NR3C1: variants seen among roughly 807,000 people sequenced by gnomAD.
NR3C1 encodes the protein glucocorticoid receptor.
NR3C1 carries 14 observed loss-of-function variants against 74.0 expected under a neutral mutation model. That is an observed-to-expected ratio of 0.19 (90% CI 0.12 to 0.30). The LOEUF (loss-of-function observed/expected upper bound fraction) is 0.30. NR3C1 is among the 10% of genes least tolerant of loss of function. The pLI is 1.00. For missense variants in NR3C1, 695 were observed against 909.8 expected (o/e 0.76, Z 3.04); for synonymous variants, 308 against 332.5 (o/e 0.93, Z 0.80).
chr5:143,348,993 A>T (rs1034348118), intron 2 of NR3C1, among the ~76,000 whole-genome samples: 34 of 152,064 alleles, frequency 2.2e-4, no homozygotes, highest in Admixed American at 2.2e-3. Context: ...ACAAATTCTT[A>T]ATTATTGTTG....
chr5:143,394,014 T>C (rs747658984), intron 2 of NR3C1, among the ~76,000 whole-genome samples: 1 of 152,032 alleles, frequency 6.6e-6, no homozygotes, highest in South Asian at 2.1e-4. Context: ...CAACTAATCA[T>C]ATCATTAAAA....
Position 143,400,714 on chromosome 5 carries a change from A to G in NR3C1, c.126T>C (p.Ser42=). 6.2e-7 allele frequency: 1 copy of G among 1,614,222 alleles called. No homozygotes were observed. The highest frequency in any genetic ancestry group is 8.5e-7 in the Non-Finnish European group (1 of 1,180,046). The change falls in exon 2 of 9, where the codon TCT becomes TCC. Residue 42 remains serine (S), a synonymous_variant. Transcript: ENST00000394464. ...TLRGGATVKV[S]ASSPSLAVAS... ...CGACAGCCAGTGAGGGTGAAGACGC[A>G]GAAACCTTCACAGTAGCTCCTCCTC...
At chr5:143,415,877 A>G (rs774807474) in intron 1 of NR3C1, among the ~76,000 whole-genome samples, 1 of 152,152 alleles carries the variant, frequency 6.6e-6, no homozygotes, top group Non-Finnish European at 1.5e-5. Flanking sequence ...TTCTACTTTC[A>G]TCTTCCTTTA....
intron 1 of NR3C1, among the ~76,000 whole-genome samples, chr5:143,412,378 AT>A (rs1841323102): frequency 1.3e-5 from 2 of 151,952 alleles, no homozygotes; most frequent in South Asian, 4.2e-4. Flanking sequence ...TGGAGGGGTT[AT>A]TTGTTCATCT....
intron 2 of NR3C1, among the ~76,000 whole-genome samples, chr5:143,366,575 GA>G (rs557317288): frequency 2.1e-3 from 301 of 146,794 alleles, no homozygotes; most frequent in African/African-American, 7.2e-3. Context: ...GACTGACCAA[GA>G]AAAAAAAGGA....
chr5:143,294,671 C>T (rs1229169790), intron 7 of NR3C1, among the ~76,000 whole-genome samples: 1 of 152,114 alleles, frequency 6.6e-6, no homozygotes, highest in Non-Finnish European at 1.5e-5. Context: ...CTGGCAACCG[C>T]TGATTTTTTT....
At chr5:143,407,916 C>T (rs1294257627), upstream of NR3C1, among the ~76,000 whole-genome samples, 1 of 152,194 alleles carries the variant, frequency 6.6e-6, no homozygotes, top group Non-Finnish European at 1.5e-5. Flanking sequence ...TTAAGATCAT[C>T]ACCTTTACCT....
At chr5:143,340,286 T>C (rs554360759) in intron 2 of NR3C1, among the ~76,000 whole-genome samples, 53 of 152,120 alleles carry the variant, frequency 3.5e-4, no homozygotes, top group African/African-American at 9.4e-4. Context: ...AATCCCCAAA[T>C]TGAAGTCTCT....
chr5:143,317,594 T>C (rs986317256), intron 2 of NR3C1, among the ~76,000 whole-genome samples: 1 of 152,136 alleles, frequency 6.6e-6, no homozygotes, highest in Non-Finnish European at 1.5e-5. Context: ...GAATAATTCC[T>C]GAGGCTGAGT....
At chr5:143,360,012 G>A (rs1831931631) in intron 2 of NR3C1, among the ~76,000 whole-genome samples, 1 of 152,178 alleles carries the variant, frequency 6.6e-6, no homozygotes, top group Non-Finnish European at 1.5e-5. Context: ...GTGAAGACTT[G>A]AAACCCATGT....
At chr5:143,408,632 C>A (rs573328368), upstream of NR3C1, among the ~76,000 whole-genome samples, 2 of 151,962 alleles carry the variant, frequency 1.3e-5, no homozygotes, top group South Asian at 4.1e-4. Context: ...TTCATATACA[C>A]CTTATAGCCT....
In NR3C1 at chr5:143,403,549, G is replaced by T. The variant is rs1334894032; in HGVS notation, c.-352C>A. On this transcript the variant is annotated 5_prime_UTR_variant, in exon 1 of 9. Coordinates refer to ENST00000394464, the MANE Select transcript of NR3C1 (RefSeq NM_000176.3). ...AGAATCCGTCCCCGACGGGCAGGCG[G>T]TGACTCGGGCTCCCGTCACAGACAC... 1.1e-5 allele frequency: 11 copies of T among 985,706 alleles called. No individual in the cohort carries two copies. Among genetic ancestry groups the T allele is most frequent in the Middle Eastern group, 5.2e-4 (1 of 1,934 alleles). The allele number at this position is 985,706 out of a possible 1,614,324, so 61.1% of individuals were successfully genotyped here.
At chr5:143,404,383 C>CT (rs1179328537), upstream of NR3C1, 131 of 984,186 alleles carry the variant, frequency 1.3e-4, 4 homozygotes, top group East Asian at 0.011. Flanking sequence ...TACTTTGGGC[C>CT]CGGGGGGAGT....
At chr5:143,308,269 T>C (rs899154034) in intron 4 of NR3C1, among the ~76,000 whole-genome samples, 1 of 152,064 alleles carries the variant, frequency 6.6e-6, no homozygotes, top group Non-Finnish European at 1.5e-5. Context: ...GACACCAGCC[T>C]GGGAACATAG....
chr5:143,412,108 T>C (rs1841313032), intron 1 of NR3C1, among the ~76,000 whole-genome samples: 1 of 151,898 alleles, frequency 6.6e-6, no homozygotes, highest in Non-Finnish European at 1.5e-5. Flanking sequence ...ATGGGGTGAG[T>C]GCATAGAAAG....
intron 1 of NR3C1, among the ~76,000 whole-genome samples, chr5:143,401,670 T>C (rs899057604): frequency 3.9e-5 from 6 of 152,340 alleles, no homozygotes; most frequent in Admixed American, 3.9e-4. Flanking sequence ...CACAAAAACA[T>C]CTAGATTAAG....
chr5:143,431,985 GC>G (rs1751853336), intron 1 of NR3C1, among the ~76,000 whole-genome samples: 1 of 152,222 alleles, frequency 6.6e-6, no homozygotes. Flanking sequence ...GGTGGTGGTA[GC>G]TGCAAAGCTG....
intron 7 of NR3C1, among the ~76,000 whole-genome samples, chr5:143,288,850 A>G (rs992289432): frequency 1.2e-4 from 19 of 152,088 alleles, no homozygotes; most frequent in Admixed American, 1.0e-3. Context: ...TCATGCCTGT[A>G]ATCCCAGCAC....
intron 2 of NR3C1, among the ~76,000 whole-genome samples, chr5:143,317,318 A>G (rs576245534): frequency 6.6e-6 from 1 of 152,304 alleles, no homozygotes; most frequent in South Asian, 2.1e-4. Context: ...ATACCATAGT[A>G]AGAGTGCATA....
Sources: gnomAD v4.1 joint callset for allele counts (sites outside exome capture counted in the v4.1 genomes callset) on GRCh38, gnomAD v4.1.1 for gene constraint, MANE v1.5 for transcripts, NCBI Gene and HGNC (gene_info 2026-07-23, HGNC 2026-07-21) for gene names.